Variants in TMEM132C observed in about 807,000 individuals in gnomAD.
TMEM132C encodes the protein transmembrane protein 132C, also known as protein phosphatase 1, regulatory subunit 152.
In TMEM132C, 29 loss-of-function variants were observed where a neutral mutation model predicts 61.4. The ratio of observed to expected loss-of-function variants is 0.47; its 90% CI spans 0.35 to 0.64. The LOEUF (loss-of-function observed/expected upper bound fraction) is 0.64, where lower values mean the gene tolerates loss of function less well. TMEM132C is among the 30% of genes least tolerant of loss of function. The pLI is 0.00. For synonymous variants in TMEM132C, 656 were observed against 633.1 expected, an observed-to-expected ratio of 1.04 and a Z score of -0.54; for missense variants, 1,408 against 1,476.9, an observed-to-expected ratio of 0.95 and a Z score of 0.76.
chr12:128,291,687 G>A (rs908723955), intron 1 of TMEM132C, among the ~76,000 whole-genome samples: 3 of 152,160 alleles, frequency 2.0e-5, no homozygotes, highest in Non-Finnish European at 2.9e-5. Context: ...TTGAGTGCCT[G>A]CCTTTCCTTC....
chr12:128,475,898 C>T (rs974021559), intron 2 of TMEM132C, among the ~76,000 whole-genome samples: 5 of 152,198 alleles, frequency 3.3e-5, no homozygotes, highest in South Asian at 4.2e-4. Flanking sequence ...AGCAAGTGAC[C>T]GGGTTGGGAT....
chr12:128,431,803 T>G (rs1869398664), intron 2 of TMEM132C, among the ~76,000 whole-genome samples: 2 of 152,108 alleles, frequency 1.3e-5, no homozygotes, highest in South Asian at 4.1e-4. Context: ...GTGATTCACC[T>G]GCCTTGGCCC....
chr12:128,584,149 C>T (rs1473195550), intron 3 of TMEM132C, among the ~76,000 whole-genome samples: 1 of 152,218 alleles, frequency 6.6e-6, no homozygotes, highest in South Asian at 2.1e-4. Flanking sequence ...AGATATTTCT[C>T]ACATGGTTTT....
chr12:128,534,124 G>T (rs1244512576), intron 2 of TMEM132C, among the ~76,000 whole-genome samples: 1 of 152,168 alleles, frequency 6.6e-6, no homozygotes, highest in Non-Finnish European at 1.5e-5. Context: ...AATTTGTACT[G>T]AACATTGATT....
intron 3 of TMEM132C, among the ~76,000 whole-genome samples, chr12:128,600,107 T>C (rs1012332109): frequency 1.1e-4 from 16 of 152,222 alleles, no homozygotes; most frequent in South Asian, 6.2e-4. Context: ...CTCAGCCTCC[T>C]GAGTAGCTGG....
At chr12:128,565,560 A>G (rs903792124) in intron 3 of TMEM132C, among the ~76,000 whole-genome samples, 3 of 152,254 alleles carry the variant, frequency 2.0e-5, no homozygotes, top group African/African-American at 7.2e-5. Context: ...ATGGAACTTT[A>G]TAATTTGCAA....
chr12:128,653,867 G>A (rs1286037204), intron 4 of TMEM132C, among the ~76,000 whole-genome samples: 1 of 152,154 alleles, frequency 6.6e-6, no homozygotes, highest in East Asian at 1.9e-4. Flanking sequence ...GACACAGGAA[G>A]GGGAGAGCAC....
At chr12:128,282,852 G>T (rs989069177) in intron 1 of TMEM132C, among the ~76,000 whole-genome samples, 2 of 152,134 alleles carry the variant, frequency 1.3e-5, no homozygotes, top group Non-Finnish European at 2.9e-5. Context: ...TGATTCAGAT[G>T]CTACATTTTG....
intron 2 of TMEM132C, among the ~76,000 whole-genome samples, chr12:128,524,249 T>C (rs1395950843): frequency 6.6e-6 from 1 of 152,182 alleles, no homozygotes; most frequent in Non-Finnish European, 1.5e-5. Flanking sequence ...AATTGGGGAA[T>C]GTGTAGCATA....
chr12:128,406,501 G>A (rs1331231540), intron 1 of TMEM132C, among the ~76,000 whole-genome samples: 1 of 152,186 alleles, frequency 6.6e-6, no homozygotes, highest in Non-Finnish European at 1.5e-5. Flanking sequence ...GAGGTGCATG[G>A]TGTTTTGGGA....
intron 2 of TMEM132C, among the ~76,000 whole-genome samples, chr12:128,536,394 G>A (rs187758122): frequency 6.6e-6 from 1 of 152,268 alleles, no homozygotes; most frequent in East Asian, 1.9e-4. Flanking sequence ...CCTGTCATGG[G>A]GTGGGGGGCT....
chr12:128,622,361 ATATATATATATATATATATAT>A lies in TMEM132C; in HGVS notation c.1305+6027_1305+6047del, dbSNP rs1293029544. 6.6e-3 allele frequency among the ~76,000 whole-genome samples: 253 copies of A among 38,174 alleles called. 16 individuals are homozygous for A. The highest frequency in any genetic ancestry group is 7.4e-3 in the Non-Finnish European group (154 of 20,852). 25.0% of individuals were successfully genotyped at this position (38,174 alleles called of 152,430 possible). A position where few individuals can be genotyped will look rare whatever the true frequency, so the allele number is the denominator to read the frequency against. Reference sequence around the variant, plus strand: ...TTTGTCTCAAAAAAAAAAAAAAAAAATATATATATATATATATATATATATATATATATATATATAACCAGG... The same window carrying A: ...TTTGTCTCAAAAAAAAAAAAAAAAAAATATATATATATATATATAACCAGG... On this transcript the variant is annotated intron_variant, in intron 4 of 8. Transcript: ENST00000435159.
chr12:128,686,861 CAAGG>C (rs1360162344), intron 5 of TMEM132C, among the ~76,000 whole-genome samples: 1 of 151,998 alleles, frequency 6.6e-6, no homozygotes, highest in Non-Finnish European at 1.5e-5. Context: ...AGAGAGGAAG[CAAGG>C]AAGAGGGAAG....
intron 4 of TMEM132C, among the ~76,000 whole-genome samples, chr12:128,627,420 A>T (rs780922983): frequency 2.8e-4 from 42 of 151,816 alleles, no homozygotes; most frequent in Non-Finnish European, 5.3e-4. Context: ...TCATTTGTGT[A>T]TATATTTATC....
At chr12:128,539,694 T>C (rs1413218227) in intron 2 of TMEM132C, among the ~76,000 whole-genome samples, 1 of 152,130 alleles carries the variant, frequency 6.6e-6, no homozygotes, top group Non-Finnish European at 1.5e-5. Context: ...GGAAATAATC[T>C]CCCCTTTCAA....
At chr12:128,580,499 C>T (rs951583374) in intron 3 of TMEM132C, among the ~76,000 whole-genome samples, 4 of 152,216 alleles carry the variant, frequency 2.6e-5, no homozygotes, top group Non-Finnish European at 4.4e-5. Flanking sequence ...ATTAATAAAT[C>T]TTACCTCACT....
At chr12:128,592,394 C>T (rs1875784400) in intron 3 of TMEM132C, among the ~76,000 whole-genome samples, 1 of 152,224 alleles carries the variant, frequency 6.6e-6, no homozygotes. Flanking sequence ...ACACACTCCT[C>T]CCAGTTTCTG....
intron 4 of TMEM132C, among the ~76,000 whole-genome samples, chr12:128,647,005 G>A (rs1954207038): frequency 6.6e-6 from 1 of 152,162 alleles, no homozygotes; most frequent in African/African-American, 2.4e-5. Flanking sequence ...GGATGTGAGT[G>A]TGTTTACTGG....
intron 3 of TMEM132C, among the ~76,000 whole-genome samples, chr12:128,587,933 A>G (rs986442907): frequency 6.6e-6 from 1 of 152,198 alleles, no homozygotes; most frequent in African/African-American, 2.4e-5. Flanking sequence ...AAGTTTGGAG[A>G]CCAGAGCTTA....
Sources: allele counts gnomAD v4.1 joint callset (sites outside exome capture counted in the v4.1 genomes callset), GRCh38; gene constraint gnomAD v4.1.1; transcripts MANE v1.5; gene names NCBI Gene and HGNC (gene_info 2026-07-23, HGNC 2026-07-21).